Variants in MOK observed in about 807,000 individuals in gnomAD.
MOK encodes the protein MAPK/MAK/MRK overlapping kinase.
A neutral mutation model predicts 54.2 loss-of-function variants in MOK; 59 were observed. The ratio of observed to expected loss-of-function variants is 1.09; its 90% CI spans 0.88 to 1.35. MOK has a LOEUF of 1.35. Ranked by LOEUF, MOK falls within the 40% of genes most tolerant of loss-of-function variation. The probability of loss-of-function intolerance (pLI) is 0.00; values close to 1 mark genes in which losing one functional copy is unlikely to be tolerated. For synonymous variants in MOK, 210 were observed against 202.7 expected, an observed-to-expected ratio of 1.04 and a Z score of -0.31; for missense variants, 517 against 526.2, an observed-to-expected ratio of 0.98 and a Z score of 0.17.
chr14:102,259,617 G>A (rs189065051), intron 4 of MOK, among the ~76,000 whole-genome samples: 2 of 152,276 alleles, frequency 1.3e-5, no homozygotes, highest in African/African-American at 4.8e-5. Flanking sequence ...CGGTATGGGT[G>A]GTGGTTAAGA....
the MOK span, among the ~76,000 whole-genome samples, chr14:102,215,759 C>T: frequency 6.6e-6 from 1 of 152,112 alleles, no homozygotes; most frequent in Non-Finnish European, 1.5e-5. Context: ...CCAGGCCCGT[C>T]GTCGGTGCAG....
At chr14:102,297,699 G>A (rs186184525) in intron 1 of MOK, among the ~76,000 whole-genome samples, 11 of 152,254 alleles carry the variant, frequency 7.2e-5, no homozygotes, top group East Asian at 5.8e-4. Flanking sequence ...AGGTGCAGGC[G>A]GGAACCGGGG....
the MOK span, chr14:102,215,125 C>T: frequency 9.3e-5 from 40 of 427,830 alleles, no homozygotes; most frequent in Non-Finnish European, 1.1e-4. Context: ...ATAGAACAGC[C>T]AGCCACCGGA....
In MOK at chr14:102,254,844, C is replaced by T. The variant is rs576232013; in HGVS notation, c.284-2849G>A. ...CTCATGGACTCTTCTCTGGTTGCTC[C>T]CAAAGCTCGCCTGCTTAGTACCTAT... On this transcript the variant is annotated intron_variant, in intron 4 of 11. Transcript: ENST00000361847. 1.2e-4 allele frequency among the ~76,000 whole-genome samples: 18 copies of T among 152,274 alleles called. No individual in the cohort carries two copies. The South Asian group carries it at 3.7e-3, about 32-fold the overall frequency.
chr14:102,221,921 G>A (rs949415621), downstream of MOK, among the ~76,000 whole-genome samples: 1 of 152,090 alleles, frequency 6.6e-6, no homozygotes, highest in African/African-American at 2.4e-5. This position sits in a 1 kb window ranked among gnomAD's most constrained non-coding sequence, Gnocchi z 4.8. Flanking sequence ...CTGCACTGTC[G>A]CCATCTTAAT....
rs534766805 is a variant in MOK at position 102,300,075 on chromosome 14, G to A, written c.7+4887C>T. 2.6e-5 allele frequency among the ~76,000 whole-genome samples: 4 copies of A among 152,160 alleles called. 1 individual carries two copies. The highest frequency in any genetic ancestry group is 9.6e-5 in the African/African-American group (4 of 41,518). On this transcript the variant is annotated intron_variant, in intron 1 of 11. Coordinates refer to ENST00000361847, the MANE Select transcript of MOK (RefSeq NM_014226.3). ...ACAGTGGCTCATGCATATAATCCCA[G>A]CACTTTGGGAGGCCAAGGCGGGCAG...
At chr14:102,290,156 A>AG (rs1474308110) in intron 1 of MOK, among the ~76,000 whole-genome samples, 1 of 151,352 alleles carries the variant, frequency 6.6e-6, no homozygotes, top group Non-Finnish European at 1.5e-5. Context: ...AAAAAAAAAA[A>AG]AGACTAGGTA....
In MOK at chr14:102,232,740, C is replaced by G; in HGVS notation, c.693-32G>C. ...TAAAAACCCAATGATAATAAATGGT[C>G]ATGCTGTCACTGAGCGCACCGGTGG... is the stretch of plus-strand genomic sequence containing the variant. On this transcript the variant is annotated intron_variant, in intron 8 of 11. Transcript: ENST00000361847. This position sits in a 1 kb window ranked among gnomAD's most constrained non-coding sequence, Gnocchi z 5.1. 1.3e-6 allele frequency: 2 copies of G among 1,589,228 alleles called. No individual in the cohort carries two copies. The highest frequency in any genetic ancestry group is 1.7e-6 in the Non-Finnish European group (2 of 1,162,482).
chr14:102,262,249 G>A (rs752199008), intron 4 of MOK, among the ~76,000 whole-genome samples: 4 of 151,056 alleles, frequency 2.6e-5, no homozygotes, highest in African/African-American at 9.7e-5. Flanking sequence ...AGGTTCAATC[G>A]ATTTTCCTGC....
chr14:102,250,583 G>A (rs912682541), intron 7 of MOK, among the ~76,000 whole-genome samples: 1 of 152,172 alleles, frequency 6.6e-6, no homozygotes, highest in Non-Finnish European at 1.5e-5. Flanking sequence ...GGGTGTGCAG[G>A]AGGGAGAACA....
At chr14:102,268,819 G>C (rs1458171614) in intron 2 of MOK, among the ~76,000 whole-genome samples, 2 of 151,768 alleles carry the variant, frequency 1.3e-5, no homozygotes, top group African/African-American at 2.4e-5. Flanking sequence ...GGAGGCTGAG[G>C]CAGGAGAATG....
At chr14:102,264,838 G>A (rs890133844) in intron 3 of MOK, among the ~76,000 whole-genome samples, 2 of 152,156 alleles carry the variant, frequency 1.3e-5, no homozygotes, top group South Asian at 2.1e-4. Flanking sequence ...GGCTCCCTCC[G>A]GAGCCACAGC....
chr14:102,304,831 G>T, intron 1 of MOK, 131 bp downstream of exon 1: 1 of 1,035,252 alleles, frequency 9.7e-7, no homozygotes, highest in Non-Finnish European at 1.4e-6. Flanking sequence ...AGCCTCCCGG[G>T]CCTGTCGAGC....
intron 1 of MOK, among the ~76,000 whole-genome samples, chr14:102,303,937 T>A (rs559280373): frequency 1.3e-5 from 2 of 152,338 alleles, no homozygotes; most frequent in Admixed American, 1.3e-4. Flanking sequence ...AAAAAATGAA[T>A]ATAGTACAAA....
intron 2 of MOK, among the ~76,000 whole-genome samples, chr14:102,269,142 A>G (rs2068148212): frequency 6.6e-6 from 1 of 152,176 alleles, no homozygotes; most frequent in Non-Finnish European, 1.5e-5. Flanking sequence ...GAGTCAATAC[A>G]TTAGGAAGCA....
intron 2 of MOK, among the ~76,000 whole-genome samples, chr14:102,274,272 T>G (rs904634047): frequency 7.2e-6 from 1 of 137,996 alleles, no homozygotes; most frequent in African/African-American, 2.8e-5. Context: ...TTTTTTTTTT[T>G]GAGACAGGTT....
rs1213695043 is a variant in MOK at position 102,232,859 on chromosome 14, G to C, written c.693-151C>G. 3.3e-6 allele frequency: 2 copies of C among 610,778 alleles called. No homozygotes were observed. Among genetic ancestry groups the C allele is most frequent in the Admixed American group, 6.1e-5 (2 of 32,542 alleles). The allele number at this position is 610,778 out of a possible 1,614,324, so 37.8% of individuals were successfully genotyped here. On this transcript the variant is annotated intron_variant, in intron 8 of 11. Coordinates refer to ENST00000361847, the MANE Select transcript of MOK (RefSeq NM_014226.3). This position sits in a 1 kb window ranked among gnomAD's most constrained non-coding sequence, Gnocchi z 5.1. ...CAGCCCACAGAACGTGCACCACCAA[G>C]AGGGACCCCTGATGTAAATGATGGG...
At chr14:102,233,244 A>T (rs1439631649) in intron 8 of MOK, 9 of 160,904 alleles carry the variant, frequency 5.6e-5, no homozygotes, top group Non-Finnish European at 8.2e-5. Context: ...CTCCCTGGGA[A>T]GTCCCAACTC....
chr14:102,215,044 T>C, the MOK span: 1 of 961,648 alleles, frequency 1.0e-6, no homozygotes, highest in Non-Finnish European at 1.2e-6. Context: ...CATCTAAGCT[T>C]TAAAAATCCC....
Sources: allele counts gnomAD v4.1 joint callset (sites outside exome capture counted in the v4.1 genomes callset), GRCh38; gene constraint gnomAD v4.1.1; non-coding constraint Gnocchi (gnomAD v3.1); transcripts MANE v1.5; gene names NCBI Gene and HGNC (gene_info 2026-07-23, HGNC 2026-07-21).